CIB4: variants seen among roughly 807,000 people sequenced by gnomAD.
CIB4 encodes the protein calcium and integrin binding family member 4.
In CIB4, 25 loss-of-function variants were observed where a neutral mutation model predicts 25.8. That is an observed-to-expected ratio of 0.97 (90% confidence interval 0.71 to 1.35). The LOEUF (loss-of-function observed/expected upper bound fraction) is 1.35. Ranked by LOEUF, CIB4 falls within the 40% of genes most tolerant of loss-of-function variation. CIB4 has a pLI of 0.00. For missense variants in CIB4, 235 were observed against 228.2 expected (o/e 1.03, Z -0.19); for synonymous variants, 75 against 81.4 (o/e 0.92, Z 0.42).
At chr2:26,616,639 C>T (rs188668215) in intron 3 of CIB4, among the ~76,000 whole-genome samples, 1 of 152,318 alleles carries the variant, frequency 6.6e-6, no homozygotes, top group East Asian at 1.9e-4. Flanking sequence ...ACACCCAAGA[C>T]AGACACTCCA....
At chr2:26,584,586 C>A (rs554408492) in intron 4 of CIB4, among the ~76,000 whole-genome samples, 4 of 152,218 alleles carry the variant, frequency 2.6e-5, no homozygotes, top group Admixed American at 2.6e-4. Flanking sequence ...TCCCTCCAAC[C>A]CCGTGCATCC....
chr2:26,591,152 G>A (rs894823814), intron 4 of CIB4, among the ~76,000 whole-genome samples: 1 of 152,240 alleles, frequency 6.6e-6, no homozygotes, highest in Admixed American at 6.5e-5. Context: ...CCGTCTCTGA[G>A]AAGTGTCCCC....
chr2:26,595,120 G>A (rs373113292), intron 4 of CIB4, 56 bp downstream of exon 4: 68 of 1,536,932 alleles, frequency 4.4e-5, no homozygotes, highest in Admixed American at 2.0e-4. Flanking sequence ...GTCCAGATAC[G>A]GTATGTTCTC....
In CIB4 at chr2:26,595,233, C is replaced by T. The variant is rs550838510; in HGVS notation, c.271G>A (p.Val91Met). ...CTTGGGCAGGCCTGCTCGCTGAACA[C>T]AGATGCCATGCCCAGCACATCCTCA... The part of the protein sequence containing the change: ...SFEDVLGMAS[V>M]FSEQACPSLK... Residue 91 changes from valine to methionine, a missense_variant, in exon 4 of 7, where the codon GTG (valine) becomes ATG (methionine). Val to Met is a conservative substitution (Grantham distance 21). Coordinates refer to ENST00000288861, the MANE Select transcript of CIB4 (RefSeq NM_001029881.3). 1 of 1,614,170 alleles carries T rather than the reference C, an allele frequency of 6.2e-7. No individual in the cohort carries two copies. Among genetic ancestry groups the T allele is most frequent in the Admixed American group, 1.7e-5 (1 of 60,028 alleles).
chr2:26,590,506 C>G lies in CIB4; in HGVS notation c.328+4670G>C, dbSNP rs910343777. On this transcript the variant is annotated intron_variant, in intron 4 of 6. Coordinates refer to ENST00000288861, the MANE Select transcript of CIB4 (RefSeq NM_001029881.3). Reference sequence around the variant, plus strand: ...AGCAAGGGGCCGGAGCACTGAGTTCCGTCTTTGGACGGAATCATCACCATG... The same window carrying G: ...AGCAAGGGGCCGGAGCACTGAGTTCGGTCTTTGGACGGAATCATCACCATG... 5.9e-5 allele frequency among the ~76,000 whole-genome samples: 9 copies of G among 152,046 alleles called. No individual in the cohort carries two copies. The South Asian group carries it at 6.2e-4, about 11-fold the overall frequency.
At chr2:26,638,784 C>G (rs536667748) in intron 2 of CIB4, among the ~76,000 whole-genome samples, 1 of 152,208 alleles carries the variant, frequency 6.6e-6, no homozygotes, top group African/African-American at 2.4e-5. Flanking sequence ...GAAACCCTAT[C>G]TCTACAGAAA....
chr2:26,586,313 T>C (rs1295833), intron 4 of CIB4, among the ~76,000 whole-genome samples: 145,596 of 152,232 alleles, frequency 0.96, 69,963 homozygotes, highest in East Asian at 1. Context: ...TCAGGGCCTT[T>C]GCACGGAGGC....
intron 3 of CIB4, among the ~76,000 whole-genome samples, chr2:26,607,554 C>T (rs1201077361): frequency 6.6e-6 from 1 of 152,224 alleles, no homozygotes; most frequent in Non-Finnish European, 1.5e-5. Flanking sequence ...TGTGTGACCT[C>T]CATTTCCCCA....
At chr2:26,635,396 T>C (rs1669513456) in intron 2 of CIB4, among the ~76,000 whole-genome samples, 1 of 152,214 alleles carries the variant, frequency 6.6e-6, no homozygotes, top group South Asian at 2.1e-4. Flanking sequence ...GGGAAAATAT[T>C]GGACAGAGCC....
At chr2:26,597,174 T>C (rs1668697337) in intron 3 of CIB4, among the ~76,000 whole-genome samples, 1 of 152,214 alleles carries the variant, frequency 6.6e-6, no homozygotes, top group South Asian at 2.1e-4. Flanking sequence ...AAACAGACTC[T>C]TCTGACCTGT....
At chr2:26,631,782 G>T (rs1267108381) in intron 2 of CIB4, among the ~76,000 whole-genome samples, 1 of 152,134 alleles carries the variant, frequency 6.6e-6, no homozygotes, top group Non-Finnish European at 1.5e-5. Context: ...GAAGCTCCAG[G>T]AGGACTGGAG....
intron 3 of CIB4, among the ~76,000 whole-genome samples, chr2:26,597,365 G>A (rs1205149009): frequency 2.0e-5 from 3 of 151,470 alleles, no homozygotes; most frequent in Non-Finnish European, 4.4e-5. Context: ...AATGAGTGCC[G>A]TGATTTAAGA....
intron 2 of CIB4, among the ~76,000 whole-genome samples, chr2:26,636,402 C>A (rs937496670): frequency 6.6e-6 from 1 of 152,098 alleles, no homozygotes; most frequent in Non-Finnish European, 1.5e-5. Context: ...AAACTTTCTG[C>A]AGAAATAAGT....
chr2:26,615,954 C>T (rs1669083601), intron 3 of CIB4, among the ~76,000 whole-genome samples: 1 of 152,196 alleles, frequency 6.6e-6, no homozygotes, highest in Non-Finnish European at 1.5e-5. Context: ...GCCAAGTTAC[C>T]CTCCCAGCTC....
intron 4 of CIB4, among the ~76,000 whole-genome samples, chr2:26,588,926 C>A (rs1434836436): frequency 6.6e-6 from 1 of 151,736 alleles, no homozygotes; most frequent in East Asian, 1.9e-4. Context: ...TAGGTAAGCT[C>A]CAGGGAGGTG....
At chr2:26,613,963 C>T (rs1231434203) in intron 3 of CIB4, among the ~76,000 whole-genome samples, 1 of 152,232 alleles carries the variant, frequency 6.6e-6, no homozygotes, top group Non-Finnish European at 1.5e-5. Flanking sequence ...CCTCCTCTGA[C>T]ACTAGCCATT....
intron 3 of CIB4, among the ~76,000 whole-genome samples, chr2:26,617,120 A>ATGTGTGTGTATG (rs1553376475): frequency 1.1e-4 from 15 of 137,724 alleles, no homozygotes; most frequent in Non-Finnish European, 1.8e-4. Flanking sequence ...AGAGCATGGA[A>ATGTGTGTGTATG]TGTGTGTGTG....
chr2:26,605,997 C>T (rs1668882375), intron 3 of CIB4, among the ~76,000 whole-genome samples: 1 of 152,206 alleles, frequency 6.6e-6, no homozygotes, highest in Non-Finnish European at 1.5e-5. Flanking sequence ...TCCCATGACC[C>T]TGCCAGCCCG....
chr2:26,636,699 T>G (rs1349356280), intron 2 of CIB4, among the ~76,000 whole-genome samples: 1 of 152,226 alleles, frequency 6.6e-6, no homozygotes, highest in African/African-American at 2.4e-5. Context: ...GAGATGATTT[T>G]TTTAATTTGC....
Sources: gnomAD v4.1 joint callset for allele counts (sites outside exome capture counted in the v4.1 genomes callset) on GRCh38, gnomAD v4.1.1 for gene constraint, MANE v1.5 for transcripts, NCBI Gene and HGNC (gene_info 2026-07-23, HGNC 2026-07-21) for gene names.